The following OR7C1 variants were observed in gnomAD, a reference collection of about 807,000 sequenced individuals.
The protein encoded by OR7C1 is olfactory receptor family 7 subfamily C member 1, also known as olfactory receptor 7C1.
For synonymous variants in OR7C1, 152 were observed against 160.7 expected, an observed-to-expected ratio of 0.95 and a Z score of 0.41; for missense variants, 324 against 383.3, an observed-to-expected ratio of 0.85 and a Z score of 1.29.
intron 1 of OR7C1, chr19:14,827,158 G>T: frequency 2.0e-6 from 2 of 1,017,064 alleles, no homozygotes; most frequent in Non-Finnish European, 2.7e-6. Flanking sequence ...TACAAGACCA[G>T]TTGAAATCAC....
intron 1 of OR7C1, chr19:14,827,326 A>G: frequency 6.3e-7 from 1 of 1,580,752 alleles, no homozygotes; most frequent in Non-Finnish European, 8.6e-7. Flanking sequence ...GTTCCCCACA[A>G]CAAATGTATT....
At chr19:14,827,486 A>G (rs142845935) in intron 1 of OR7C1, 25 of 1,614,068 alleles carry the variant, frequency 1.5e-5, no homozygotes, top group Non-Finnish European at 2.1e-5. Flanking sequence ...GGATTGCACC[A>G]TAAAATAAGG....
intron 2 of OR7C1, among the ~76,000 whole-genome samples, chr19:14,805,405 A>C (rs1292497453): frequency 7.4e-6 from 1 of 135,126 alleles, no homozygotes. Context: ...ACAGGAAAAT[A>C]ATTTTTTTTT....
At chr19:14,801,663 G>A (rs140416729) in intron 2 of OR7C1, among the ~76,000 whole-genome samples, 1,717 of 152,238 alleles carry the variant, frequency 0.011, 19 homozygotes, top group Non-Finnish European at 0.019. Flanking sequence ...AGAACTACCC[G>A]AGACTGGGTA....
exon 5 of OR7C1, chr19:14,799,093 A>G (rs1355903899): frequency 6.7e-7 from 1 of 1,485,948 alleles, no homozygotes; most frequent in African/African-American, 1.4e-5. Context: ...TGGTAATTCC[A>G]GAACTAAAAG....
At chr19:14,811,941 G>A (rs1299948339) in intron 1 of OR7C1, among the ~76,000 whole-genome samples, 1 of 151,870 alleles carries the variant, frequency 6.6e-6, no homozygotes, top group East Asian at 1.9e-4. Flanking sequence ...ACTGGTCTGT[G>A]GCCCAGGGGT....
chr19:14,831,209 G>T (rs1164568887), intron 1 of OR7C1, among the ~76,000 whole-genome samples: 2 of 152,112 alleles, frequency 1.3e-5, no homozygotes, highest in African/African-American at 4.8e-5. Context: ...GGTACAGATC[G>T]CATATCCTAA....
At chr19:14,808,845 A>C (rs116978227) in intron 2 of OR7C1, among the ~76,000 whole-genome samples, 1,812 of 152,144 alleles carry the variant, frequency 0.012, 21 homozygotes, top group Non-Finnish European at 0.018. Flanking sequence ...GTTAGAACTC[A>C]TAGAGTCATA....
intron 1 of OR7C1, among the ~76,000 whole-genome samples, chr19:14,814,139 C>G (rs1455419406): frequency 6.8e-6 from 1 of 148,128 alleles, no homozygotes; most frequent in Non-Finnish European, 1.5e-5. Context: ...GAAATGACCC[C>G]AGAAGCACAG....
At chr19:14,828,952 AAACAATCACAT>A (rs1451878852) in intron 1 of OR7C1, among the ~76,000 whole-genome samples, 2 of 134,712 alleles carry the variant, frequency 1.5e-5, no homozygotes, top group Non-Finnish European at 1.6e-5. Flanking sequence ...TAAACAAATT[AAACAATCACAT>A]AATATGTCAG....
At position 14,799,620 on chromosome 19, in the gene OR7C1, C is replaced by A. The variant is rs2044629448; in HGVS notation, c.517G>T (p.Glu173Ter). The change falls in exon 5 of 5, where the codon GAA becomes TAA. Residue 173 changes from glutamate (E) to a stop codon, truncating the protein, a stop_gained. Transcript: ENST00000641666. LOFTEE classifies it low-confidence loss of function (END_TRUNC). ...AGATCACAAAAAAAGTGTGGAATTT[C>A]CATTTCGGTGCAGAAGGACAGCCTC... 8 of 1,613,770 alleles carry A rather than the reference C, an allele frequency of 5.0e-6. No homozygotes were observed. The highest frequency in any genetic ancestry group is 6.8e-6 in the Non-Finnish European group (8 of 1,180,038).
At position 14,832,175 on chromosome 19, in the gene OR7C1, G is replaced by A. The variant is rs115867516; in HGVS notation, c.-623+2899C>T. 2.8e-3 allele frequency among the ~76,000 whole-genome samples: 425 copies of A among 152,254 alleles called. 1 individual carries two copies. The highest frequency in any genetic ancestry group is 9.5e-3 in the African/African-American group (394 of 41,540). On this transcript the variant is annotated intron_variant, in intron 1 of 4. Transcript: ENST00000641666. Reference sequence around the variant, plus strand: ...TCCTCCCAGCTGGGCCTCCCAAAGTGCTGGAATTATAGGCATGAGTCACCT... The same window carrying A: ...TCCTCCCAGCTGGGCCTCCCAAAGTACTGGAATTATAGGCATGAGTCACCT...
chr19:14,805,236 T>C (rs2044660678), intron 2 of OR7C1, among the ~76,000 whole-genome samples: 1 of 151,132 alleles, frequency 6.6e-6, no homozygotes, highest in South Asian at 2.1e-4. Context: ...CAAAAAAAAA[T>C]CTGAGAGTTC....
intron 2 of OR7C1, among the ~76,000 whole-genome samples, chr19:14,806,864 T>A (rs1300215760): frequency 6.6e-6 from 1 of 152,028 alleles, no homozygotes; most frequent in Non-Finnish European, 1.5e-5. Flanking sequence ...TGTATATTTA[T>A]AATAGGATGA....
At chr19:14,824,726 T>C (rs1026785345) in intron 1 of OR7C1, 3 of 152,204 alleles carry the variant, frequency 2.0e-5, no homozygotes, top group African/African-American at 7.2e-5. Context: ...TTTATTTTCC[T>C]TTGGCTATAT....
At chr19:14,803,346 G>C (rs1035716636) in intron 2 of OR7C1, among the ~76,000 whole-genome samples, 5 of 150,786 alleles carry the variant, frequency 3.3e-5, no homozygotes, top group African/African-American at 1.2e-4. Flanking sequence ...GGTTGGACCA[G>C]GTGTGACGTT....
At chr19:14,808,925 C>T (rs8108557) in intron 2 of OR7C1, among the ~76,000 whole-genome samples, 25,466 of 151,926 alleles carry the variant, frequency 0.17, 2,347 homozygotes, top group Non-Finnish European at 0.18. Flanking sequence ...TAATTATGCA[C>T]CTCGTTGTAT....
intron 1 of OR7C1, among the ~76,000 whole-genome samples, chr19:14,810,454 A>G (rs967623007): frequency 6.0e-5 from 9 of 150,756 alleles, no homozygotes; most frequent in Non-Finnish European, 2.9e-5. Flanking sequence ...ATCTTGGCTC[A>G]CTGCAAGCTC....
chr19:14,802,066 T>A (rs73004313), intron 2 of OR7C1, among the ~76,000 whole-genome samples: 22,312 of 152,128 alleles, frequency 0.15, 1,896 homozygotes, highest in Admixed American at 0.21. Flanking sequence ...CTTAATTTTT[T>A]AAAAAAGGTG....
Sources: allele counts gnomAD v4.1 joint callset (sites outside exome capture counted in the v4.1 genomes callset), GRCh38; gene constraint gnomAD v4.1.1; transcripts MANE v1.5; gene names NCBI Gene and HGNC (gene_info 2026-07-23, HGNC 2026-07-21).